COL8A1: variants seen among roughly 807,000 people sequenced by gnomAD.
The protein encoded by COL8A1 is collagen type VIII alpha 1 chain, also known as collagen alpha-1(VIII) chain.
In COL8A1, 21 loss-of-function variants were observed where a neutral mutation model predicts 42.7. The observed-to-expected ratio is 0.49, with a 90% CI of 0.35 to 0.71. COL8A1 has a LOEUF of 0.71. COL8A1 is among the 30% of genes least tolerant of loss of function. The pLI is 0.01. For missense variants in COL8A1, 788 were observed against 962.4 expected, an observed-to-expected ratio of 0.82 and a Z score of 2.40; for synonymous variants, 367 against 369.1, an observed-to-expected ratio of 0.99 and a Z score of 0.06.
chr3:99,736,192 A>G (rs1940708882), intron 1 of COL8A1, among the ~76,000 whole-genome samples: 1 of 152,006 alleles, frequency 6.6e-6, no homozygotes, highest in Non-Finnish European at 1.5e-5. Flanking sequence ...GCCTTCTGCT[A>G]GCTTTTGAAT....
chr3:99,733,038 T>G (rs1940568427), intron 1 of COL8A1, among the ~76,000 whole-genome samples: 1 of 151,828 alleles, frequency 6.6e-6, no homozygotes, highest in African/African-American at 2.4e-5. Flanking sequence ...GTCATGCCGA[T>G]GCAAAATGTC....
intron 1 of COL8A1, among the ~76,000 whole-genome samples, chr3:99,661,494 A>G (rs1485266346): frequency 6.6e-6 from 1 of 152,230 alleles, no homozygotes; most frequent in African/African-American, 2.4e-5. Context: ...GATATGGAGA[A>G]ATTGAAAACT....
chr3:99,733,901 G>A (rs1277869536), intron 1 of COL8A1, among the ~76,000 whole-genome samples: 1 of 152,142 alleles, frequency 6.6e-6, no homozygotes, highest in Non-Finnish European at 1.5e-5. Context: ...GATGGCCAGT[G>A]ATGATGAGCA....
At chr3:99,777,169 T>C (rs555138456) in intron 2 of COL8A1, among the ~76,000 whole-genome samples, 71 of 152,224 alleles carry the variant, frequency 4.7e-4, no homozygotes, top group Non-Finnish European at 8.4e-4. Flanking sequence ...CAGCCCCTAT[T>C]CAAGATGGAG....
intron 3 of COL8A1, among the ~76,000 whole-genome samples, chr3:99,791,616 G>A (rs1251915305): frequency 2.6e-5 from 4 of 152,182 alleles, no homozygotes; most frequent in Admixed American, 6.5e-5. Context: ...TATTTATTTA[G>A]CACCAACAAA....
intron 1 of COL8A1, chr3:99,678,650 TATAAAAAAAA>T (rs1938774048): frequency 6.6e-6 from 1 of 151,862 alleles, no homozygotes; most frequent in Non-Finnish European, 1.5e-5. Flanking sequence ...TTATGTGTGC[TATAAAAAAAA>T]ATCCATGACA....
At chr3:99,706,870 C>G (rs1157101872) in intron 1 of COL8A1, among the ~76,000 whole-genome samples, 9 of 152,084 alleles carry the variant, frequency 5.9e-5, no homozygotes, top group African/African-American at 2.2e-4. Context: ...CATAGAGCAC[C>G]CGGGAAGAGA....
chr3:99,711,588 A>T (rs1326086995), intron 1 of COL8A1, among the ~76,000 whole-genome samples: 1 of 152,002 alleles, frequency 6.6e-6, no homozygotes, highest in African/African-American at 2.4e-5. Context: ...AATGGAAGTG[A>T]CCTAATACCT....
chr3:99,695,775 C>T (rs1359373152), intron 1 of COL8A1, among the ~76,000 whole-genome samples: 2 of 152,116 alleles, frequency 1.3e-5, no homozygotes, highest in Non-Finnish European at 2.9e-5. Flanking sequence ...GGTTTTGTTC[C>T]TCGTTATATC....
intron 1 of COL8A1, among the ~76,000 whole-genome samples, chr3:99,734,533 T>C (rs903262816): frequency 1.3e-5 from 2 of 152,002 alleles, no homozygotes; most frequent in Non-Finnish European, 2.9e-5. Flanking sequence ...ACCAGTACCA[T>C]GCTGTTTTGG....
Position 99,737,188 on chromosome 3 carries a change from T to C in COL8A1, c.-128-7709T>C, listed in dbSNP as rs538405785. On this transcript the variant is annotated intron_variant, in intron 1 of 3. Coordinates refer to ENST00000652472, the MANE Select transcript of COL8A1 (RefSeq NM_020351.4). Reference sequence around the variant, plus strand: ...TGATGCGACTTGACTCTTTATCCAGTTTGCCAGTCTGTGTCTTTTAATTGG... The same window carrying C: ...TGATGCGACTTGACTCTTTATCCAGCTTGCCAGTCTGTGTCTTTTAATTGG... Among the ~76,000 whole-genome samples, 345 of 152,354 alleles carry C rather than the reference T, an allele frequency of 2.3e-3. 1 individual carries two copies. The highest frequency in any genetic ancestry group is 3.7e-3 in the Non-Finnish European group (255 of 68,040).
chr3:99,700,972 C>T (rs991085818), intron 1 of COL8A1, among the ~76,000 whole-genome samples: 2 of 152,178 alleles, frequency 1.3e-5, no homozygotes, highest in Admixed American at 6.5e-5. Flanking sequence ...CTCTTACCCC[C>T]GTAGCTTCGT....
intron 2 of COL8A1, among the ~76,000 whole-genome samples, chr3:99,781,451 G>A (rs115556968): frequency 2.0e-5 from 3 of 152,048 alleles, no homozygotes; most frequent in Non-Finnish European, 4.4e-5. Context: ...AGTCATTCAG[G>A]GTTATATGAT....
chr3:99,678,902 T>C (rs1484328170), intron 1 of COL8A1: 3 of 152,178 alleles, frequency 2.0e-5, no homozygotes, highest in East Asian at 3.8e-4. Flanking sequence ...TAAAAATATG[T>C]TTAGATTTTT....
intron 2 of COL8A1, among the ~76,000 whole-genome samples, chr3:99,773,837 A>ATATATATATATATTTTTTT (rs1200212756): frequency 1.3e-4 from 6 of 45,396 alleles, no homozygotes; most frequent in African/African-American, 3.8e-4. Flanking sequence ...ATATATATAT[A>ATATATATATATATTTTTTT]TTTTTTTTTT....
intron 1 of COL8A1, among the ~76,000 whole-genome samples, chr3:99,672,272 C>T (rs1204127226): frequency 2.6e-5 from 4 of 151,996 alleles, no homozygotes. Flanking sequence ...TATATGTAGG[C>T]AACATCGTTT....
chr3:99,644,419 C>A (rs966150970), intron 1 of COL8A1, among the ~76,000 whole-genome samples: 4 of 152,164 alleles, frequency 2.6e-5, no homozygotes, highest in African/African-American at 9.7e-5. Flanking sequence ...ATTGGTAACA[C>A]ATAAAGTCAC....
intron 1 of COL8A1, among the ~76,000 whole-genome samples, chr3:99,724,539 A>G (rs942798824): frequency 6.6e-6 from 1 of 152,028 alleles, no homozygotes; most frequent in Non-Finnish European, 1.5e-5. Flanking sequence ...CTTTGTGTTT[A>G]TAGTCTAGAG....
chr3:99,716,344 C>T lies in COL8A1; in HGVS notation c.-128-28553C>T, dbSNP rs187951168. Among the ~76,000 whole-genome samples, 6 of 152,082 alleles carry T rather than the reference C, an allele frequency of 3.9e-5. No individual in the cohort carries two copies. The East Asian group carries it at 9.7e-4, about 25-fold the overall frequency. ...AGCCTATGAAACCTCACCCATCAGA[C>T]CAGCATCTTAAACATCGAGGCAGTT... On this transcript the variant is annotated intron_variant, in intron 1 of 3. Coordinates refer to ENST00000652472, the MANE Select transcript of COL8A1 (RefSeq NM_020351.4).
Sources: gnomAD v4.1 joint callset for allele counts (sites outside exome capture counted in the v4.1 genomes callset) on GRCh38, gnomAD v4.1.1 for gene constraint, MANE v1.5 for transcripts, NCBI Gene and HGNC (gene_info 2026-07-23, HGNC 2026-07-21) for gene names.